The following GAPVD1 variants were observed in gnomAD, a reference collection of about 807,000 sequenced individuals.
GAPVD1 encodes GTPase-activating protein and VPS9 domain-containing protein 1.
GAPVD1 carries 35 observed loss-of-function variants against 155.5 expected under a neutral mutation model. The ratio of observed to expected loss-of-function variants is 0.23; its 90% confidence interval spans 0.17 to 0.30. GAPVD1 has a LOEUF of 0.30. Ranked by LOEUF, GAPVD1 falls within the 10% of genes least tolerant of loss-of-function variation. The pLI is 1.00. For synonymous variants in GAPVD1, 636 were observed against 619.7 expected (o/e 1.03, Z -0.39); for missense variants, 1,429 against 1,775.7 (o/e 0.80, Z 3.51).
chr9:125,337,202 T>A lies in GAPVD1; in HGVS notation c.2507-19T>A, dbSNP rs746220698. The A allele has an allele frequency of 6.2e-7, 1 of 1,611,460 alleles. No homozygotes were observed. Among genetic ancestry groups the A allele is most frequent in the East Asian group, 2.2e-5 (1 of 44,856 alleles). On this transcript the variant is annotated intron_variant, in intron 16 of 27. Coordinates refer to ENST00000297933, the MANE Select transcript of GAPVD1 (RefSeq NM_001282680.3). ...ATATGTTGTGTCTCAGTTACAAAAC[T>A]TTTTTTCCTGTGTTGCAGGGGCTTC...
At chr9:125,325,394 C>T (rs573430145) in intron 11 of GAPVD1, among the ~76,000 whole-genome samples, 6 of 150,738 alleles carry the variant, frequency 4.0e-5, no homozygotes, top group South Asian at 2.1e-4. Context: ...TGGTGGCAGG[C>T]GCTTGTAGTC....
Position 125,354,645 on chromosome 9 carries a change from T to C in GAPVD1, c.3570-9T>C. The C allele has an allele frequency of 1.9e-6, 3 of 1,590,372 alleles. No homozygotes were observed. The highest frequency in any genetic ancestry group is 2.6e-6 in the Non-Finnish European group (3 of 1,159,338). ...TATCTGATGTCATGCAAAGTATTTT[T>C]CCTTTTAGAAAAAGAGCCCCATATA... On this transcript the variant is annotated splice_polypyrimidine_tract_variant and intron_variant, in intron 23 of 27. Coordinates refer to ENST00000297933, the MANE Select transcript of GAPVD1 (RefSeq NM_001282680.3).
At chr9:125,336,963 T>A in intron 15 of GAPVD1, 55 bp from the exon 16 acceptor site, 1 of 989,356 alleles carries the variant, frequency 1.0e-6, no homozygotes, top group Non-Finnish European at 1.6e-6. Flanking sequence ...TAAACTGTGT[T>A]GAGACCGTCT....
intron 2 of GAPVD1, among the ~76,000 whole-genome samples, chr9:125,285,163 G>A (rs774972505): frequency 1.2e-4 from 18 of 152,170 alleles, no homozygotes; most frequent in Non-Finnish European, 2.5e-4. Context: ...CTGCCATTGT[G>A]GCATGAAACC....
At chr9:125,307,655 G>T in intron 7 of GAPVD1, 36 bp from the exon 8 acceptor site, 4 of 1,590,080 alleles carry the variant, frequency 2.5e-6, no homozygotes, top group Non-Finnish European at 3.5e-6. Flanking sequence ...ATTTGAAAAA[G>T]TGATTTCATT....
chr9:125,302,841 T>G lies in GAPVD1; in HGVS notation c.1029+15T>G. 1 of 1,566,528 alleles carries G rather than the reference T, an allele frequency of 6.4e-7. No homozygotes were observed. Among genetic ancestry groups the G allele is most frequent in the Admixed American group, 1.9e-5 (1 of 52,230 alleles). On this transcript the variant is annotated intron_variant, in intron 5 of 27. Transcript: ENST00000297933. ...ATCTGATGCAGGTATGCTTTTGCTA[T>G]TATTATTAACGTGGCATTTAGTTTA...
chr9:125,361,523 TAA>T (rs879540261), intron 27 of GAPVD1, among the ~76,000 whole-genome samples: 6 of 142,522 alleles, frequency 4.2e-5, no homozygotes, highest in Admixed American at 7.1e-5. Context: ...GACTCCATCT[TAA>T]AAAAAAAAAA....
In GAPVD1 at chr9:125,302,581, G is replaced by A; in HGVS notation, c.784G>A (p.Val262Met). ...ESNEAKLVAL[V>M]NKFIGYLKQN... ...CAATGAAGCAAAGCTAGTGGCTTTG[G>A]TGAACAAATTTATTGGTTATCTCAA... Residue 262 changes from valine (V) to methionine (M), a missense_variant, in exon 5 of 28, where the codon GTG becomes ATG. Transcript: ENST00000297933. The A allele has an allele frequency of 6.2e-7, 1 of 1,613,936 alleles. No homozygotes were observed. Among genetic ancestry groups the A allele is most frequent in the Non-Finnish European group, 8.5e-7 (1 of 1,179,826 alleles).
Position 125,323,782 on chromosome 9 carries a change from A to G in GAPVD1, c.1733-16A>G, listed in dbSNP as rs753979382. 4 of 1,613,162 alleles carry G rather than the reference A, an allele frequency of 2.5e-6. No individual in the cohort carries two copies. Among genetic ancestry groups the G allele is most frequent in the Admixed American group, 3.3e-5 (2 of 59,996 alleles). On this transcript the variant is annotated splice_polypyrimidine_tract_variant and intron_variant, in intron 10 of 27. Coordinates refer to ENST00000297933, the MANE Select transcript of GAPVD1 (RefSeq NM_001282680.3). ...CTGTTTTAAAAAGATTGCTCACACT[A>G]TAAACATTTCTCTAGGTCCTTCAAA...
chr9:125,298,069 A>G (rs904999575), intron 3 of GAPVD1, among the ~76,000 whole-genome samples: 1 of 152,126 alleles, frequency 6.6e-6, no homozygotes, highest in Non-Finnish European at 1.5e-5. Flanking sequence ...TTAATTCACT[A>G]TGCTATGTAG....
intron 21 of GAPVD1, 31 bp from the exon 22 acceptor site, chr9:125,350,264 G>T (rs758954118): frequency 8.0e-7 from 1 of 1,248,538 alleles, no homozygotes; most frequent in East Asian, 2.4e-5. Context: ...TCTGGATAAA[G>T]AAATTAATGT....
intron 2 of GAPVD1, among the ~76,000 whole-genome samples, chr9:125,272,213 G>T (rs1345083838): frequency 6.6e-6 from 1 of 152,138 alleles, no homozygotes; most frequent in Non-Finnish European, 1.5e-5. Flanking sequence ...TAATAGAGAA[G>T]GGGTTTCACC....
intron 17 of GAPVD1, 115 bp downstream of exon 17, chr9:125,337,706 T>A: frequency 9.3e-7 from 1 of 1,077,392 alleles, no homozygotes; most frequent in Non-Finnish European, 1.3e-6. Context: ...TAGTCATGAT[T>A]AAAGATGATT....
At chr9:125,345,591 G>A (rs924114925) in intron 19 of GAPVD1, among the ~76,000 whole-genome samples, 3 of 152,144 alleles carry the variant, frequency 2.0e-5, no homozygotes, top group South Asian at 2.1e-4. Flanking sequence ...ACAATTTCAC[G>A]GAGACATGAA....
chr9:125,342,077 G>A, intron 18 of GAPVD1, 142 bp from the exon 19 acceptor site: 2 of 585,452 alleles, frequency 3.4e-6, no homozygotes, highest in Non-Finnish European at 6.1e-6. Context: ...ACTATTTTAA[G>A]GACAATTATC....
chr9:125,335,550 G>C (rs189058956), intron 15 of GAPVD1, among the ~76,000 whole-genome samples: 1 of 151,850 alleles, frequency 6.6e-6, no homozygotes, highest in African/African-American at 2.4e-5. Flanking sequence ...GGTGGCGTGT[G>C]CCTGTAATGC....
chr9:125,307,157 C>T (rs190667158), intron 6 of GAPVD1, among the ~76,000 whole-genome samples: 75 of 151,300 alleles, frequency 5.0e-4, no homozygotes, highest in African/African-American at 1.7e-3. Flanking sequence ...CCCAGCTACT[C>T]GGGAGGCTGA....
chr9:125,300,410 G>T (rs1336373493), intron 4 of GAPVD1, among the ~76,000 whole-genome samples: 1 of 151,620 alleles, frequency 6.6e-6, no homozygotes, highest in Non-Finnish European at 1.5e-5. Flanking sequence ...TTGAACTTCT[G>T]ACCTCGCAGT....
At position 125,349,403 on chromosome 9, in the gene GAPVD1, T is replaced by C; in HGVS notation, c.3183T>C (p.Asp1061=). 6.2e-7 allele frequency: 1 copy of C among 1,613,932 alleles called. No individual in the cohort carries two copies. The highest frequency in any genetic ancestry group is 8.5e-7 in the Non-Finnish European group (1 of 1,179,812). ...ANYESTEVMG[D]GESAHDSPRD... ...GGTTTTGTTTAGAGGTTATGGGTGA[T>C]GGTGAAAGTGCACATGATTCTCCCC... The change falls in exon 21 of 28, where the codon GAT becomes GAC. Residue 1061 remains aspartate (D), a synonymous_variant. Transcript: ENST00000297933.
Sources: allele counts gnomAD v4.1 joint callset (sites outside exome capture counted in the v4.1 genomes callset), GRCh38; gene constraint gnomAD v4.1.1; transcripts MANE v1.5; gene names NCBI Gene and HGNC (gene_info 2026-07-23, HGNC 2026-07-21).